The following PCF11 variants were observed in gnomAD, a reference collection of about 807,000 sequenced individuals.
PCF11 encodes the protein PCF11 cleavage and polyadenylation factor subunit, also known as pre-mRNA cleavage complex 2 protein Pcf11.
Under a neutral mutation model 166.1 loss-of-function variants are expected in PCF11, and 19 were observed. The ratio of observed to expected loss-of-function variants is 0.11; its 90% CI spans 0.08 to 0.17. The LOEUF (loss-of-function observed/expected upper bound fraction) is 0.17. PCF11 is among the 10% of genes least tolerant of loss of function. The pLI is 1.00. For missense variants in PCF11, 1,565 were observed against 1,855.5 expected, an observed-to-expected ratio of 0.84 and a Z score of 2.88; for synonymous variants, 663 against 644.1, an observed-to-expected ratio of 1.03 and a Z score of -0.44.
rs140586284 is a variant in PCF11, at chr11:83,177,140, A to C, written c.3813A>C (p.Glu1271Asp). The change falls in exon 10 of 16, where the codon GAA (glutamate) becomes GAC (aspartate). Residue 1271 changes from glutamate (E) to aspartate (D), a missense_variant. This residue lies in a region of PCF11 where 725 missense variants were observed against 749.3 expected (regional missense o/e 0.97). Coordinates refer to ENST00000298281, the Ensembl canonical transcript of PCF11. ...ATCTCAGTCAGGTGGATGTAAATGAATTGTTTTCAAAATTGCTAAAAACAG... is the reference window on the plus strand; with the variant it reads ...ATCTCAGTCAGGTGGATGTAAATGACTTGTTTTCAAAATTGCTAAAAACAG... 42 of 1,583,222 alleles carry C rather than the reference A, an allele frequency of 2.7e-5. No individual in the cohort carries two copies. The highest frequency in any genetic ancestry group is 3.5e-5 in the Non-Finnish European group (41 of 1,163,286).
exon 16 of PCF11, chr11:83,185,190 AAT>A (rs1861241058): frequency 4.6e-6 from 1 of 215,752 alleles, no homozygotes; most frequent in East Asian, 1.2e-4. Flanking sequence ...ATAAATAAAA[AAT>A]ATTTTTGCTA....
At chr11:83,183,158 T>C in intron 15 of PCF11, 85 bp downstream of exon 15, 3 of 758,550 alleles carry the variant, frequency 4.0e-6, no homozygotes, top group Non-Finnish European at 6.4e-6. Context: ...CAGAGCAATA[T>C]TGTTATTTTA....
exon 5 of PCF11, chr11:83,166,707 A>G: frequency 1.3e-6 from 2 of 1,593,708 alleles, no homozygotes; most frequent in East Asian, 2.2e-5. Context: ...TTGGGAAGAA[A>G]ATAAAAGGTA....
intron 4 of PCF11, 91 bp from the exon 5 acceptor site, chr11:83,165,509 G>A (rs1860415438): frequency 2.3e-6 from 2 of 864,622 alleles, no homozygotes; most frequent in South Asian, 3.7e-5. Flanking sequence ...TATATTTATT[G>A]AATAAAGCAT....
chr11:83,185,598 G>A (rs759484529), exon 16 of PCF11: 4 of 150,112 alleles, frequency 2.7e-5, no homozygotes, highest in African/African-American at 5.0e-5. Context: ...AGTACTAAAG[G>A]TGATTTTTTT....
chr11:83,166,561 C>T (rs1167831909), exon 5 of PCF11: 1 of 1,613,608 alleles, frequency 6.2e-7, no homozygotes, highest in African/African-American at 1.3e-5. Context: ...ATTCGGGATC[C>T]AAGGCGAATG....
At chr11:83,159,078 GA>G (rs1409585323) in intron 1 of PCF11, among the ~76,000 whole-genome samples, 1 of 152,048 alleles carries the variant, frequency 6.6e-6, no homozygotes, top group African/African-American at 2.4e-5. Flanking sequence ...TAAAGAGGAC[GA>G]AAAGGAAGGG....
chr11:83,158,973 T>C (rs1236128536), intron 1 of PCF11: 2 of 152,244 alleles, frequency 1.3e-5, no homozygotes, highest in African/African-American at 2.4e-5. Context: ...CAAAAGTCTT[T>C]AAGTGACTTG....
At chr11:83,176,690 G>C (rs974137798) in intron 9 of PCF11, among the ~76,000 whole-genome samples, 1 of 151,496 alleles carries the variant, frequency 6.6e-6, no homozygotes. Context: ...CAGTCGGGGG[G>C]TGGGGGGTCT....
At chr11:83,161,394 A>G in exon 2 of PCF11, 1 of 1,602,928 alleles carries the variant, frequency 6.2e-7, no homozygotes, top group Non-Finnish European at 8.5e-7. Flanking sequence ...GTTGGAAGAG[A>G]GTATCTCACT....
chr11:83,180,662 A>G (rs1861055977), intron 11 of PCF11: 1 of 159,898 alleles, frequency 6.3e-6, no homozygotes, highest in Non-Finnish European at 1.4e-5. Flanking sequence ...GTGAAATTTA[A>G]CTGTTCTGCC....
At chr11:83,182,531 G>GT (rs776177622) in intron 14 of PCF11, 40 bp downstream of exon 14, 18 of 1,001,174 alleles carry the variant, frequency 1.8e-5, no homozygotes, top group East Asian at 1.7e-4. Flanking sequence ...TAAGATTAGT[G>GT]TTTTTTTGTT....
At chr11:83,186,326 G>C (rs1181081577) in exon 16 of PCF11, 1 of 152,126 alleles carries the variant, frequency 6.6e-6, no homozygotes, top group East Asian at 1.9e-4. Context: ...AAATGTAAAG[G>C]CTTAAAATAC....
exon 5 of PCF11, chr11:83,166,615 A>G (rs772382117): frequency 3.1e-6 from 5 of 1,613,938 alleles, no homozygotes; most frequent in Admixed American, 1.7e-5. Flanking sequence ...ACAAATCAGC[A>G]TTCTACAAAG....
chr11:83,184,151 CAAAA>C (rs34996416), intron 15 of PCF11: 17 of 77,578 alleles, frequency 2.2e-4, no homozygotes, highest in Admixed American at 4.4e-4. Context: ...AGCTCTGTCT[CAAAA>C]AAAAAAAAAA....
At chr11:83,165,568 G>A (rs1032184805) in intron 4 of PCF11, 32 bp from the exon 5 acceptor site, 3 of 1,557,712 alleles carry the variant, frequency 1.9e-6, no homozygotes, top group African/African-American at 2.7e-5. Context: ...ATGTTCTGCA[G>A]TGTTAACATG....
intron 2 of PCF11, among the ~76,000 whole-genome samples, chr11:83,163,161 G>A (rs1860320962): frequency 6.6e-6 from 1 of 152,178 alleles, no homozygotes; most frequent in Admixed American, 6.5e-5. Context: ...AAGATTTTGT[G>A]AATTTCAGTT....
intron 8 of PCF11, 26 bp downstream of exon 8, chr11:83,170,021 T>TTG: frequency 6.5e-7 from 1 of 1,527,652 alleles, no homozygotes; most frequent in East Asian, 2.3e-5. Flanking sequence ...TAAAATTGCG[T>TTG]TGTATGCAGA....
exon 16 of PCF11, chr11:83,184,911 A>T (rs1168496060): frequency 3.3e-6 from 5 of 1,499,012 alleles, no homozygotes; most frequent in Non-Finnish European, 4.5e-6. Context: ...TGAGAAAGGT[A>T]TGTTTTTCTT....
Sources: allele counts gnomAD v4.1 joint callset (sites outside exome capture counted in the v4.1 genomes callset), GRCh38; gene constraint gnomAD v4.1.1; regional missense constraint gnomAD v4.1.1; transcripts MANE v1.5; gene names NCBI Gene and HGNC (gene_info 2026-07-23, HGNC 2026-07-21).